The following OR52N5 variants were observed in gnomAD, a reference collection of about 807,000 sequenced individuals.
OR52N5 encodes the protein olfactory receptor family 52 subfamily N member 5.
A neutral mutation model predicts 14.1 loss-of-function variants in OR52N5; 10 were observed. The ratio of observed to expected loss-of-function variants is 0.71; its 90% CI spans 0.44 to 1.20. OR52N5 has a LOEUF of 1.20. OR52N5 is among the 50% of genes most tolerant of loss of function. OR52N5 has a pLI of 0.00. For synonymous variants in OR52N5, 116 were observed against 143.0 expected (o/e 0.81, Z 1.35); for missense variants, 361 against 403.2 (o/e 0.90, Z 0.90).
chr11:5,778,485 A>T lies in OR52N5; in HGVS notation c.150T>A (p.Asn50Lys), dbSNP rs746530858. Residue 50 changes from asparagine (N) to lysine (K), a missense_variant, in exon 3 of 3, where the codon AAT (asparagine) becomes AAA (lysine). By Grantham distance (94) the Asn-to-Lys change is moderately conservative (BLOSUM62 0). Transcript: ENST00000641181. ...AATAAATGAGGTACACAAGACCAAG[A>T]TTCCCCACAAGGAAGATGATGTACA... is the stretch of plus-strand genomic sequence containing the variant. Reference protein sequence around the residue: ...CTMYIIFLVGNLGLVYLIYYE... With the variant: ...CTMYIIFLVGKLGLVYLIYYE... The T allele has an allele frequency of 6.6e-7, 1 of 1,518,382 alleles. No individual in the cohort carries two copies. Among genetic ancestry groups the T allele is most frequent in the Admixed American group, 1.8e-5 (1 of 55,472 alleles). 94.1% of individuals were successfully genotyped at this position (1,518,382 alleles called of 1,614,324 possible). A position where few individuals can be genotyped will look rare whatever the true frequency, so the allele number is the denominator to read the frequency against.
Position 5,777,802 on chromosome 11 carries a change from A to G in OR52N5, c.833T>C (p.Ile278Thr). ...CACAATGATGTGAAGAGAAGGGGGA[A>G]TTGTGTGTCCCCCAAAACGGTGGGC... ...FFAHRFGGHT[I>T]PPSLHIIVAN... The change falls in exon 3 of 3, where the codon ATT becomes ACT. Residue 278 changes from isoleucine (I) to threonine (T), a missense_variant. Physicochemically the swap from Ile to Thr is moderately conservative, Grantham distance 89 (BLOSUM62 -1). Coordinates refer to ENST00000641181, the MANE Select transcript of OR52N5 (RefSeq NM_001385662.1). 3.3e-6 allele frequency: 5 copies of G among 1,520,634 alleles called. 1 individual carries two copies. The East Asian group carries it at 7.0e-5, about 21-fold the overall frequency. The allele number at this position is 1,520,634 out of a possible 1,614,324, so 94.2% of individuals were successfully genotyped here. A position where few individuals can be genotyped will look rare whatever the true frequency, so the allele number is the denominator to read the frequency against.
rs985612328 is a variant in OR52N5, at chr11:5,783,345, G to C, written c.-298C>G. 7.2e-6 allele frequency: 1 copy of C among 139,652 alleles called. No homozygotes were observed. The highest frequency in any genetic ancestry group is 1.6e-5 in the Non-Finnish European group (1 of 63,242). The allele number at this position is 139,652 out of a possible 1,614,324, so 8.7% of individuals were successfully genotyped here. A position where few individuals can be genotyped will look rare whatever the true frequency, so the allele number is the denominator to read the frequency against. On this transcript the variant is annotated 5_prime_UTR_variant, in exon 1 of 3. Transcript: ENST00000641181. Reference sequence around the variant, plus strand: ...TGATGTGAAAGGTGTTCATGCCAGGGAGAGGGCCCAGGAATGCATGTGATG... The same window carrying C: ...TGATGTGAAAGGTGTTCATGCCAGGCAGAGGGCCCAGGAATGCATGTGATG...
intron 2 of OR52N5, among the ~76,000 whole-genome samples, chr11:5,781,122 T>A (rs11039016): frequency 0.011 from 1,615 of 140,530 alleles, 308 homozygotes; most frequent in Middle Eastern, 0.022. Flanking sequence ...ATATGCTCCA[T>A]TAAAGCAAAT....
At position 5,779,890 on chromosome 11, in the gene OR52N5, T is replaced by C. The variant is rs1447573037; in HGVS notation, c.-23-1233A>G. 3.6e-5 allele frequency among the ~76,000 whole-genome samples: 5 copies of C among 139,116 alleles called. 1 individual carries two copies. Among genetic ancestry groups the C allele is most frequent in the African/African-American group, 1.3e-4 (5 of 38,042 alleles). The allele number at this position is 139,116 out of a possible 152,430, so 91.3% of individuals were successfully genotyped here. On this transcript the variant is annotated intron_variant, in intron 2 of 2. Transcript: ENST00000641181. ...TATAATTCATTTACAGCTCAAAGGG[T>C]CCAAATTGTTACTCCACCCAGGTCA... is the stretch of plus-strand genomic sequence containing the variant.
rs532818440 is a variant in OR52N5 at position 5,777,597 on chromosome 11, C to T, written c.*63G>A. 8.7e-6 allele frequency: 10 copies of T among 1,155,784 alleles called. 1 individual carries two copies. The highest frequency in any genetic ancestry group is 6.5e-5 in the African/African-American group (4 of 61,786). 71.6% of individuals were successfully genotyped at this position (1,155,784 alleles called of 1,614,324 possible). On this transcript the variant is annotated 3_prime_UTR_variant, in exon 3 of 3. Transcript: ENST00000641181. ...ACATGAATAAATGTAAAATATCACA[C>T]GTAAGTTTATTCTTTGTTATTTTTC...
chr11:5,778,231 A>G lies in OR52N5; in HGVS notation c.404T>C (p.Ile135Thr). ...GGTAGCATAACGCAAAGGGTAGCAAATGGCTACATAGCGGTCTAGAGCCAT... is the reference window on the plus strand; with the variant it reads ...GGTAGCATAACGCAAAGGGTAGCAAGTGGCTACATAGCGGTCTAGAGCCAT... ...MLMALDRYVA[I>T]CYPLRYATTL... Residue 135 changes from isoleucine (I) to threonine (T), a missense_variant, in exon 3 of 3, where the codon ATT (isoleucine) becomes ACT (threonine). Ile to Thr is a moderately conservative substitution (Grantham distance 89). Transcript: ENST00000641181. 6.6e-7 allele frequency: 1 copy of G among 1,520,160 alleles called. No individual in the cohort carries two copies. Among genetic ancestry groups the G allele is most frequent in the Non-Finnish European group, 9.0e-7 (1 of 1,113,816 alleles). 94.2% of individuals were successfully genotyped at this position (1,520,160 alleles called of 1,614,324 possible).
intron 1 of OR52N5, among the ~76,000 whole-genome samples, chr11:5,782,161 G>C (rs1163619937): frequency 7.1e-6 from 1 of 139,968 alleles, no homozygotes; most frequent in Non-Finnish European, 1.6e-5. Flanking sequence ...AATGTCTCAA[G>C]TGTATGGACT....
At chr11:5,780,655 T>A (rs1854541858) in intron 2 of OR52N5, among the ~76,000 whole-genome samples, 1 of 138,582 alleles carries the variant, frequency 7.2e-6, no homozygotes, top group South Asian at 2.4e-4. Context: ...ACCAATAAAT[T>A]GAATAATGTA....
chr11:5,777,571 C>A lies in OR52N5; in HGVS notation c.*89G>T. On this transcript the variant is annotated 3_prime_UTR_variant, in exon 3 of 3. Transcript: ENST00000641181. ...CTGAGAGAGAAAATGTATGATACTA[C>A]ACATGAATAAATGTAAAATATCACA... is the stretch of plus-strand genomic sequence containing the variant. 1.9e-6 allele frequency: 2 copies of A among 1,026,798 alleles called. 1 individual carries two copies. Among genetic ancestry groups the A allele is most frequent in the East Asian group, 5.2e-5 (2 of 38,576 alleles). The allele number at this position is 1,026,798 out of a possible 1,614,324, so 63.6% of individuals were successfully genotyped here. A position where few individuals can be genotyped will look rare whatever the true frequency, so the allele number is the denominator to read the frequency against.
intron 2 of OR52N5, among the ~76,000 whole-genome samples, chr11:5,780,528 C>T (rs1854540273): frequency 7.3e-6 from 1 of 136,800 alleles, no homozygotes; most frequent in Admixed American, 7.6e-5. Context: ...GCTAGATTAA[C>T]TGAGGGGGGA....
In OR52N5 at chr11:5,781,661, T is replaced by C. The variant is rs1372509600; in HGVS notation, c.-152A>G. Reference sequence around the variant, plus strand: ...CAGTATCTGGTGAAGGGTGGAGTGATTGATCCTATCACTGTTGCATCCTGT... The same window carrying C: ...CAGTATCTGGTGAAGGGTGGAGTGACTGATCCTATCACTGTTGCATCCTGT... On this transcript the variant is annotated 5_prime_UTR_variant, in exon 2 of 3. Coordinates refer to ENST00000641181, the MANE Select transcript of OR52N5 (RefSeq NM_001385662.1). 7.8e-5 allele frequency: 11 copies of C among 140,284 alleles called. 3 individuals carry two copies. The highest frequency in any genetic ancestry group is 2.6e-4 in the African/African-American group (10 of 38,294). 8.7% of individuals were successfully genotyped at this position (140,284 alleles called of 1,614,324 possible). A position where few individuals can be genotyped will look rare whatever the true frequency, so the allele number is the denominator to read the frequency against.
At chr11:5,779,243 T>C (rs1308542824) in intron 2 of OR52N5, among the ~76,000 whole-genome samples, 2 of 140,258 alleles carry the variant, frequency 1.4e-5, no homozygotes, top group Non-Finnish European at 3.2e-5. Flanking sequence ...AGGTGATACC[T>C]ACCTCAAAGA....
rs555518709 is a variant in OR52N5 at position 5,780,173 on chromosome 11, C to T, written c.-24+1360G>A. On this transcript the variant is annotated intron_variant, in intron 2 of 2. Coordinates refer to ENST00000641181, the MANE Select transcript of OR52N5 (RefSeq NM_001385662.1). ...TACTTTGAGAACAGGGCTCAAATTC[C>T]TTGGTATGACATTTAATAAAAGGAA... 2.1e-5 allele frequency among the ~76,000 whole-genome samples: 3 copies of T among 139,582 alleles called. 1 individual carries two copies. The East Asian group carries it at 6.2e-4, about 29-fold the overall frequency. The allele number at this position is 139,582 out of a possible 152,430, so 91.6% of individuals were successfully genotyped here.
intron 1 of OR52N5, among the ~76,000 whole-genome samples, chr11:5,782,048 G>C (rs996537532): frequency 1.4e-5 from 2 of 139,958 alleles, no homozygotes; most frequent in Non-Finnish European, 3.2e-5. Flanking sequence ...GAGACTTCTA[G>C]ATTCTCTTAT....
rs1854562216 is a variant in OR52N5, at chr11:5,783,311, G to A, written c.-264C>T. On this transcript the variant is annotated 5_prime_UTR_variant, in exon 1 of 3. The change creates a premature stop within an existing upstream ORF in the 5' untranslated region. Transcript: ENST00000641181. Reference sequence around the variant, plus strand: ...ATCTCTTACCCACAATATAGCTCCTGAGGAGAAGTGATGTGAAAGGTGTTC... The same window carrying A: ...ATCTCTTACCCACAATATAGCTCCTAAGGAGAAGTGATGTGAAAGGTGTTC... 7.2e-6 allele frequency: 1 copy of A among 139,746 alleles called. No individual in the cohort carries two copies. The allele number at this position is 139,746 out of a possible 1,614,324, so 8.7% of individuals were successfully genotyped here.
Position 5,779,838 on chromosome 11 carries a change from C to T in OR52N5, c.-23-1181G>A, listed in dbSNP as rs1484329971. ...CTAAACTAGTGTATTTATGATCTTCCCTGGTATTTCTCCACCTCATCTTGG... is the reference window on the plus strand; with the variant it reads ...CTAAACTAGTGTATTTATGATCTTCTCTGGTATTTCTCCACCTCATCTTGG... On this transcript the variant is annotated intron_variant, in intron 2 of 2. Coordinates refer to ENST00000641181, the MANE Select transcript of OR52N5 (RefSeq NM_001385662.1). 1.4e-5 allele frequency among the ~76,000 whole-genome samples: 2 copies of T among 139,066 alleles called. 1 individual carries two copies. Among genetic ancestry groups the T allele is most frequent in the Non-Finnish European group, 3.2e-5 (2 of 62,940 alleles). 91.2% of individuals were successfully genotyped at this position (139,066 alleles called of 152,430 possible). A position where few individuals can be genotyped will look rare whatever the true frequency, so the allele number is the denominator to read the frequency against.
rs1256716949 is a variant in OR52N5, at chr11:5,777,301, T to TA, written c.*358dup. 4.1e-5 allele frequency: 6 copies of TA among 145,042 alleles called. 2 individuals carry two copies. The highest frequency in any genetic ancestry group is 1.0e-4 in the African/African-American group (4 of 38,528). 9.0% of individuals were successfully genotyped at this position (145,042 alleles called of 1,614,324 possible). A position where few individuals can be genotyped will look rare whatever the true frequency, so the allele number is the denominator to read the frequency against. ...ATTTAGAAAAATAACACGTGATTTT[T>TA]AAAAAAACACCATTCTACTTTTTAC... On this transcript the variant is annotated 3_prime_UTR_variant, in exon 3 of 3. Coordinates refer to ENST00000641181, the MANE Select transcript of OR52N5 (RefSeq NM_001385662.1).
rs775551894 is a variant in OR52N5 at position 5,777,706 on chromosome 11, C to T, written c.929G>A (p.Arg310His). 2.1e-5 allele frequency: 31 copies of T among 1,505,202 alleles called. 8 individuals are homozygous for T. The highest frequency in any genetic ancestry group is 8.4e-5 in the South Asian group (7 of 82,960). The allele number at this position is 1,505,202 out of a possible 1,614,324, so 93.2% of individuals were successfully genotyped here. A position where few individuals can be genotyped will look rare whatever the true frequency, so the allele number is the denominator to read the frequency against. ...IVYGVKTKQI[R>H]KSVIKFFQGD... ...CTGGAAGAACTTTATGACACTCTTG[C>T]GTATCTGTTTTGTCTTTACTCCATA... The change falls in exon 3 of 3, where the codon CGC (arginine) becomes CAC (histidine). Residue 310 changes from arginine to histidine, a missense_variant. By Grantham distance (29) the Arg-to-His change is conservative (BLOSUM62 0). Transcript: ENST00000641181.
rs1312392079 is a variant in OR52N5, at chr11:5,780,294, T to C, written c.-24+1239A>G. ...TAAACAATGCATTATATAGTCAATG[T>C]AGTTTAGCATTTCGGGTTTAAATAC... On this transcript the variant is annotated intron_variant, in intron 2 of 2. Coordinates refer to ENST00000641181, the MANE Select transcript of OR52N5 (RefSeq NM_001385662.1). 3.6e-5 allele frequency among the ~76,000 whole-genome samples: 5 copies of C among 139,908 alleles called. 1 individual carries two copies. In the East Asian group the frequency reaches 1.0e-3, roughly 29 times the overall value. 91.8% of individuals were successfully genotyped at this position (139,908 alleles called of 152,430 possible). A position where few individuals can be genotyped will look rare whatever the true frequency, so the allele number is the denominator to read the frequency against.
Sources: gnomAD v4.1 joint callset for allele counts (sites outside exome capture counted in the v4.1 genomes callset) on GRCh38, gnomAD v4.1.1 for gene constraint, MANE v1.5 for transcripts, NCBI Gene and HGNC (gene_info 2026-07-23, HGNC 2026-07-21) for gene names.